Variants in STX3 observed in about 807,000 individuals in gnomAD.
The protein encoded by STX3 is syntaxin-3.
A neutral mutation model predicts 40.2 loss-of-function variants in STX3; 19 were observed. The observed-to-expected ratio is 0.47, with a 90% CI of 0.33 to 0.69. STX3 has a LOEUF of 0.69. Among genes scored for constraint, STX3 ranks in the 30% least tolerant of loss-of-function variants. The pLI is 0.02. For missense variants in STX3, 364 were observed against 366.7 expected, an observed-to-expected ratio of 0.99 and a Z score of 0.06; for synonymous variants, 122 against 132.2, an observed-to-expected ratio of 0.92 and a Z score of 0.53.
intron 8 of STX3, among the ~76,000 whole-genome samples, chr11:59,793,909 A>G (rs570542285): frequency 3.3e-5 from 5 of 151,910 alleles, no homozygotes; most frequent in South Asian, 2.1e-4. Flanking sequence ...GGATCAAGCA[A>G]TCCTCCCAGG....
chr11:59,774,217 G>A (rs1466148646), intron 2 of STX3, among the ~76,000 whole-genome samples: 3 of 152,162 alleles, frequency 2.0e-5, no homozygotes, highest in Non-Finnish European at 2.9e-5. Flanking sequence ...TGGCTTTCGA[G>A]CTGGGTAAAC....
intron 5 of STX3, 23 bp downstream of exon 5, chr11:59,790,609 G>T: frequency 6.3e-7 from 1 of 1,576,172 alleles, no homozygotes; most frequent in Non-Finnish European, 8.7e-7. Context: ...CTGGTCTCAT[G>T]ATTAGCTAGT....
chr11:59,781,785 A>G, intron 2 of STX3: 2 of 1,492,734 alleles, frequency 1.3e-6, no homozygotes, highest in Non-Finnish European at 1.8e-6. Context: ...GAAGCAAACA[A>G]ATTAAAGAGG....
At chr11:59,772,488 A>G (rs1863710088) in intron 1 of STX3, among the ~76,000 whole-genome samples, 1 of 152,184 alleles carries the variant, frequency 6.6e-6, no homozygotes. Flanking sequence ...ACAGGGAGTG[A>G]CATAGCATTG....
At chr11:59,760,824 C>T (rs1862990579) in intron 1 of STX3, among the ~76,000 whole-genome samples, 2 of 152,200 alleles carry the variant, frequency 1.3e-5, no homozygotes, top group South Asian at 2.1e-4. Context: ...CTTGCTTCTT[C>T]GTATCCCCTT....
intron 1 of STX3, among the ~76,000 whole-genome samples, chr11:59,765,557 A>G (rs962075246): frequency 1.3e-5 from 2 of 152,146 alleles, no homozygotes; most frequent in Admixed American, 6.5e-5. Context: ...TAATCCCAGC[A>G]CTTTGGGAGA....
intron 3 of STX3, 75 bp from the exon 4 acceptor site, chr11:59,788,798 A>G: frequency 7.6e-7 from 1 of 1,308,070 alleles, no homozygotes. Context: ...CCCTCCTCTG[A>G]TGATGATTGC....
chr11:59,778,296 A>G (rs1864113240), intron 2 of STX3, among the ~76,000 whole-genome samples: 1 of 152,216 alleles, frequency 6.6e-6, no homozygotes, highest in African/African-American at 2.4e-5. Flanking sequence ...GGGTGCAGCT[A>G]GAAAAGTCCA....
At chr11:59,766,505 A>T (rs949037501) in intron 1 of STX3, among the ~76,000 whole-genome samples, 7 of 152,164 alleles carry the variant, frequency 4.6e-5, no homozygotes, top group Non-Finnish European at 1.0e-4. Context: ...ACGTCCCCCC[A>T]TTGGCTCCCC....
Position 59,803,212 on chromosome 11 carries a change from G to A in STX3, c.*2388G>A. 1 of 1,231,616 alleles carries A rather than the reference G, an allele frequency of 8.1e-7. No homozygotes were observed. Among genetic ancestry groups the A allele is most frequent in the African/African-American group, 1.6e-5 (1 of 64,512 alleles). 76.3% of individuals were successfully genotyped at this position (1,231,616 alleles called of 1,614,324 possible). On this transcript the variant is annotated 3_prime_UTR_variant, in exon 11 of 11. Transcript: ENST00000337979. ...GTATTCTTTCTTTCCTTGTCTGGAT[G>A]AGCAGAAGAAGATCATGATCATGAT...
chr11:59,768,405 G>A (rs1863392182), intron 1 of STX3, among the ~76,000 whole-genome samples: 1 of 152,220 alleles, frequency 6.6e-6, no homozygotes, highest in Admixed American at 6.5e-5. Context: ...TAAACATGAA[G>A]TGGGGCAAGT....
intron 2 of STX3, 67 bp from the exon 3 acceptor site, chr11:59,786,970 C>T (rs1333771267): frequency 2.3e-5 from 33 of 1,411,870 alleles, no homozygotes; most frequent in South Asian, 4.9e-5. Flanking sequence ...CTCTGCCAAA[C>T]GTTTATCTCA....
intron 1 of STX3, among the ~76,000 whole-genome samples, chr11:59,757,066 G>C (rs1387343720): frequency 6.6e-6 from 1 of 152,168 alleles, no homozygotes. Context: ...TCAGGCTTGT[G>C]CTTAGTCATC....
chr11:59,763,409 C>T (rs1304238742), intron 1 of STX3, among the ~76,000 whole-genome samples: 2 of 152,124 alleles, frequency 1.3e-5, no homozygotes, highest in Non-Finnish European at 2.9e-5. Context: ...AGACCCACCT[C>T]AGGTCTGGAG....
chr11:59,788,905 G>C lies in STX3; in HGVS notation c.247G>C (p.Glu83Gln). The C allele has an allele frequency of 6.2e-7, 1 of 1,612,564 alleles. No individual in the cohort carries two copies. Among genetic ancestry groups the C allele is most frequent in the Non-Finnish European group, 8.5e-7 (1 of 1,179,312 alleles). Residue 83 changes from glutamate to glutamine, a missense_variant, in exon 4 of 11, where the codon GAG becomes CAG. By Grantham distance (29) the Glu-to-Gln change is conservative (BLOSUM62 2). Transcript: ENST00000337979. The stretch of plus-strand genomic sequence containing the variant: ...GGATGACCTAGAGCAGCTCACGACT[G>C]AGATTAAGAAAAGGGCCAACAACGT... ...TKDDLEQLTT[E>Q]IKKRANNVRN...
chr11:59,796,876 C>T (rs1449379470), intron 9 of STX3, among the ~76,000 whole-genome samples: 2 of 152,026 alleles, frequency 1.3e-5, no homozygotes, highest in Non-Finnish European at 2.9e-5. Flanking sequence ...TTTGGGAGGC[C>T]GAGGTGAGAG....
chr11:59,757,816 C>T (rs76163223), intron 1 of STX3, among the ~76,000 whole-genome samples: 3,472 of 152,174 alleles, frequency 0.023, 132 homozygotes, highest in African/African-American at 0.08. Flanking sequence ...CCCCCTCTGG[C>T]GTTATTATAG....
intron 10 of STX3, chr11:59,800,196 T>G: frequency 1.0e-6 from 1 of 985,446 alleles, no homozygotes; most frequent in Non-Finnish European, 1.2e-6. Flanking sequence ...AAGTCAAGAC[T>G]GATTGTTGCC....
chr11:59,766,760 C>T (rs746825502), intron 1 of STX3, among the ~76,000 whole-genome samples: 24 of 152,198 alleles, frequency 1.6e-4, no homozygotes, highest in Non-Finnish European at 3.1e-4. Flanking sequence ...GCGTGCAGTG[C>T]GATAAGAAGG....
Sources: gnomAD v4.1 joint callset for allele counts (sites outside exome capture counted in the v4.1 genomes callset) on GRCh38, gnomAD v4.1.1 for gene constraint, MANE v1.5 for transcripts, NCBI Gene and HGNC (gene_info 2026-07-23, HGNC 2026-07-21) for gene names.